SPON1: variants seen among roughly 807,000 people sequenced by gnomAD.
The protein encoded by SPON1 is spondin 1.
In SPON1, 52 loss-of-function variants were observed where a neutral mutation model predicts 111.7. The ratio of observed to expected loss-of-function variants is 0.47; its 90% confidence interval spans 0.37 to 0.59. SPON1 has a LOEUF of 0.59. SPON1 is among the 20% of genes least tolerant of loss of function. The probability of loss-of-function intolerance (pLI) is 0.00; values close to 1 mark genes in which losing one functional copy is unlikely to be tolerated. For synonymous variants in SPON1, 410 were observed against 395.8 expected, an observed-to-expected ratio of 1.04 and a Z score of -0.43; for missense variants, 957 against 1,068.5, an observed-to-expected ratio of 0.90 and a Z score of 1.46.
intron 2 of SPON1, among the ~76,000 whole-genome samples, chr11:13,994,918 A>G (rs1057127488): frequency 5.9e-5 from 9 of 152,196 alleles, no homozygotes; most frequent in African/African-American, 2.2e-4. Context: ...TTCTTTCTCT[A>G]TATAGTATAA....
At chr11:14,155,624 A>G (rs1205742337) in intron 6 of SPON1, among the ~76,000 whole-genome samples, 2 of 151,244 alleles carry the variant, frequency 1.3e-5, no homozygotes, top group Non-Finnish European at 2.9e-5. Flanking sequence ...AGCATTAGGT[A>G]TATCTCCTAA....
rs117604370 is a variant in SPON1 at position 14,238,662 on chromosome 11, C to T, written c.826-4670C>T. ...TCTGTTTTCATTCCACATGAACCCG[C>T]TTCCCTCCAGACCTGACCTCAGCCC... On this transcript the variant is annotated intron_variant, in intron 6 of 15. Transcript: ENST00000576479. Among the ~76,000 whole-genome samples, 1,364 of 152,310 alleles carry T rather than the reference C, an allele frequency of 9.0e-3. 12 individuals are homozygous for T. Among genetic ancestry groups the T allele is most frequent in the Non-Finnish European group, 0.014 (964 of 68,022 alleles).
intron 6 of SPON1, among the ~76,000 whole-genome samples, chr11:14,200,908 G>A (rs1848455287): frequency 6.6e-6 from 1 of 151,264 alleles, no homozygotes; most frequent in South Asian, 2.1e-4. Context: ...TCTAGAGGAT[G>A]GTGGCCGGAA....
chr11:14,263,496 TTA>T (rs1343009855), intron 15 of SPON1, among the ~76,000 whole-genome samples: 7 of 151,706 alleles, frequency 4.6e-5, no homozygotes, highest in African/African-American at 9.8e-5. Flanking sequence ...GCCTGAGACT[TTA>T]TGATTTTTTT....
intron 3 of SPON1, among the ~76,000 whole-genome samples, chr11:14,058,260 T>C (rs1416733190): frequency 1.3e-5 from 2 of 151,986 alleles, no homozygotes; most frequent in African/African-American, 4.8e-5. Flanking sequence ...AGTGTGTGTA[T>C]ACTAAGCACC....
chr11:14,140,067 A>G (rs1423839631), intron 6 of SPON1, among the ~76,000 whole-genome samples: 1 of 152,186 alleles, frequency 6.6e-6, no homozygotes, highest in African/African-American at 2.4e-5. Flanking sequence ...AGGCACATAC[A>G]TGACTATTTC....
rs537321140 is a variant in SPON1 at position 14,167,474 on chromosome 11, C to T, written c.825+31906C>T. 2.2e-4 allele frequency among the ~76,000 whole-genome samples: 33 copies of T among 147,990 alleles called. No individual in the cohort carries two copies. The South Asian group carries it at 6.6e-3, about 30-fold the overall frequency. The stretch of plus-strand genomic sequence containing the variant: ...CTGAATTTGTCTCTTCTCTCTCCTC[C>T]CCTTTTTTTCCCTGCCATTTACCCA... On this transcript the variant is annotated intron_variant, in intron 6 of 15. Transcript: ENST00000576479.
chr11:14,055,839 T>C (rs1848741161), intron 3 of SPON1, among the ~76,000 whole-genome samples: 1 of 152,246 alleles, frequency 6.6e-6, no homozygotes, highest in Admixed American at 6.5e-5. Context: ...TTGGCTGCTC[T>C]TAGGCCCACG....
intron 2 of SPON1, among the ~76,000 whole-genome samples, chr11:13,993,088 T>G (rs560389732): frequency 6.7e-6 from 1 of 148,166 alleles, no homozygotes; most frequent in Admixed American, 6.6e-5. Context: ...AGAGGGTTAC[T>G]TTGCTTCTTT....
intron 7 of SPON1, among the ~76,000 whole-genome samples, chr11:14,248,533 C>G (rs1849018272): frequency 6.6e-6 from 1 of 152,166 alleles, no homozygotes; most frequent in African/African-American, 2.4e-5. Flanking sequence ...AACCTCTGCA[C>G]TCGGCGCTAC....
At chr11:13,967,729 A>G (rs1554908167) in intron 1 of SPON1, among the ~76,000 whole-genome samples, 1 of 152,174 alleles carries the variant, frequency 6.6e-6, no homozygotes. Context: ...AGTGCTGCTG[A>G]TGATATTATA....
intron 5 of SPON1, among the ~76,000 whole-genome samples, chr11:14,089,454 C>T (rs782742760): frequency 4.6e-5 from 7 of 152,180 alleles, no homozygotes; most frequent in Non-Finnish European, 1.0e-4. Context: ...GTGGGTATCA[C>T]CAGCAGAGGC....
intron 4 of SPON1, 33 bp from the exon 5 acceptor site, chr11:14,079,866 T>A (rs1554921863): frequency 6.2e-7 from 1 of 1,613,610 alleles, no homozygotes; most frequent in East Asian, 2.2e-5. Flanking sequence ...CCACGTTTAC[T>A]TTCTAACTTG....
chr11:14,144,028 T>G (rs782589851), intron 6 of SPON1, among the ~76,000 whole-genome samples: 4 of 152,104 alleles, frequency 2.6e-5, no homozygotes, highest in Non-Finnish European at 5.9e-5. Context: ...TGACCTCGAG[T>G]AGGTCACCTA....
At chr11:14,163,665 TG>T (rs1847993290) in intron 6 of SPON1, among the ~76,000 whole-genome samples, 1 of 152,176 alleles carries the variant, frequency 6.6e-6, no homozygotes, top group South Asian at 2.1e-4. Context: ...TATGGAGACA[TG>T]GGGTGAGAGA....
At chr11:14,062,833 C>A (rs931149431) in intron 3 of SPON1, among the ~76,000 whole-genome samples, 1 of 152,180 alleles carries the variant, frequency 6.6e-6, no homozygotes, top group Non-Finnish European at 1.5e-5. Context: ...CATCCATTTA[C>A]AAACAAAGCA....
intron 6 of SPON1, among the ~76,000 whole-genome samples, chr11:14,144,898 T>C (rs1421824522): frequency 6.6e-6 from 1 of 152,064 alleles, no homozygotes; most frequent in Non-Finnish European, 1.5e-5. Context: ...CTGCTGCAAA[T>C]GGCCCCCAAG....
intron 6 of SPON1, among the ~76,000 whole-genome samples, chr11:14,204,167 C>T (rs1449477859): frequency 1.3e-5 from 2 of 152,214 alleles, no homozygotes; most frequent in African/African-American, 4.8e-5. Context: ...TTTCAAATTG[C>T]TCCATGGGCT....
chr11:13,971,041 C>T (rs1443065213), intron 1 of SPON1, among the ~76,000 whole-genome samples: 1 of 152,120 alleles, frequency 6.6e-6, no homozygotes, highest in Non-Finnish European at 1.5e-5. Flanking sequence ...CTGGTGTGAG[C>T]TCTCTAAGAG....
Sources: gnomAD v4.1 joint callset for allele counts (sites outside exome capture counted in the v4.1 genomes callset) on GRCh38, gnomAD v4.1.1 for gene constraint, MANE v1.5 for transcripts, NCBI Gene and HGNC (gene_info 2026-07-23, HGNC 2026-07-21) for gene names.